The following TMEM132D variants were observed in gnomAD, a reference collection of about 807,000 sequenced individuals.
TMEM132D encodes the protein transmembrane protein 132D.
In TMEM132D, 21 loss-of-function variants were observed where a neutral mutation model predicts 62.3. The ratio of observed to expected loss-of-function variants is 0.34; its 90% CI spans 0.24 to 0.49. TMEM132D has a LOEUF of 0.49. Among genes scored for constraint, TMEM132D ranks in the 20% least tolerant of loss-of-function variants. The pLI is 0.99. For missense variants in TMEM132D, 1,346 were observed against 1,402.8 expected (o/e 0.96, Z 0.65); for synonymous variants, 621 against 575.6 (o/e 1.08, Z -1.13).
chr12:129,641,154 C>T (rs1047808863), intron 2 of TMEM132D, among the ~76,000 whole-genome samples: 1 of 152,136 alleles, frequency 6.6e-6, no homozygotes, highest in African/African-American at 2.4e-5. Context: ...TGCCCCGGTC[C>T]ATGGAAAAAT....
At chr12:129,797,150 C>G (rs967407432) in intron 1 of TMEM132D, among the ~76,000 whole-genome samples, 6 of 152,200 alleles carry the variant, frequency 3.9e-5, no homozygotes, top group Non-Finnish European at 5.9e-5. Context: ...AATTTCCCCA[C>G]AGCCCAGGCA....
rs550334802 is a variant in TMEM132D, at chr12:129,723,187, G to A, written c.80-22489C>T. 2.6e-5 allele frequency among the ~76,000 whole-genome samples: 4 copies of A among 152,334 alleles called. No homozygotes were observed. In the East Asian group the frequency reaches 7.7e-4, roughly 29 times the overall value. ...TCACTCTGTTTAAGTCTAGGAGAAC[G>A]TTACAGTTTCGTGCTAATATGTTTT... is the stretch of plus-strand genomic sequence containing the variant. On this transcript the variant is annotated intron_variant, in intron 1 of 8. Coordinates refer to ENST00000422113, the MANE Select transcript of TMEM132D (RefSeq NM_133448.3).
At chr12:129,805,065 T>C (rs1458227408) in intron 1 of TMEM132D, among the ~76,000 whole-genome samples, 1 of 148,654 alleles carries the variant, frequency 6.7e-6, no homozygotes, top group Non-Finnish European at 1.5e-5. Context: ...TGGAAGAACA[T>C]TCCATGCTCA....
chr12:129,338,759 A>C (rs2135659283), intron 3 of TMEM132D, among the ~76,000 whole-genome samples: 1 of 152,328 alleles, frequency 6.6e-6, no homozygotes, highest in Middle Eastern at 3.4e-3. Context: ...CTGAACTCTG[A>C]CATGTAGGAG....
chr12:129,187,829 T>C (rs1165225726), intron 5 of TMEM132D, among the ~76,000 whole-genome samples: 1 of 152,248 alleles, frequency 6.6e-6, no homozygotes, highest in Non-Finnish European at 1.5e-5. Context: ...TTCTCCACTC[T>C]TACGAAGTCG....
intron 3 of TMEM132D, among the ~76,000 whole-genome samples, chr12:129,486,649 G>A (rs1229503388): frequency 6.6e-6 from 1 of 152,216 alleles, no homozygotes; most frequent in Non-Finnish European, 1.5e-5. Context: ...TACCACGGAT[G>A]TGAGGATTGT....
At chr12:129,765,983 C>T (rs1390852924) in intron 1 of TMEM132D, among the ~76,000 whole-genome samples, 5 of 152,130 alleles carry the variant, frequency 3.3e-5, no homozygotes, top group African/African-American at 1.2e-4. Context: ...TTCCTGATTT[C>T]CTTGTGGATG....
intron 5 of TMEM132D, among the ~76,000 whole-genome samples, chr12:129,094,383 ACACTTCT>A (rs1875030076): frequency 6.6e-6 from 1 of 152,240 alleles, no homozygotes; most frequent in Non-Finnish European, 1.5e-5. Flanking sequence ...ATATGAACAG[ACACTTCT>A]CAGAAGAAAA....
At chr12:129,422,903 C>CATACATATATGT (rs1872372823) in intron 3 of TMEM132D, among the ~76,000 whole-genome samples, 1 of 151,104 alleles carries the variant, frequency 6.6e-6, no homozygotes, top group Admixed American at 6.6e-5. Context: ...TATACATATA[C>CATACATATATGT]GTATTATGTA....
intron 3 of TMEM132D, among the ~76,000 whole-genome samples, chr12:129,359,217 A>G (rs911043853): frequency 1.3e-5 from 2 of 152,188 alleles, no homozygotes; most frequent in African/African-American, 4.8e-5. Flanking sequence ...AACATCAACA[A>G]TAGGCCAATC....
chr12:129,379,919 G>A (rs996166866), intron 3 of TMEM132D, among the ~76,000 whole-genome samples: 5 of 152,194 alleles, frequency 3.3e-5, no homozygotes, highest in South Asian at 2.1e-4. Context: ...TATACTCAAC[G>A]TGGAGAGGTT....
intron 3 of TMEM132D, among the ~76,000 whole-genome samples, chr12:129,461,762 C>T (rs112511059): frequency 2.0e-4 from 31 of 151,728 alleles, no homozygotes; most frequent in South Asian, 4.2e-4. Context: ...GATGGATGGA[C>T]GGGCGGACTG....
chr12:129,470,170 T>A (rs1412043103), intron 3 of TMEM132D, among the ~76,000 whole-genome samples: 1 of 152,178 alleles, frequency 6.6e-6, no homozygotes, highest in Non-Finnish European at 1.5e-5. Context: ...AAATTTGTGG[T>A]GTGGACTATA....
intron 3 of TMEM132D, among the ~76,000 whole-genome samples, chr12:129,473,441 C>T (rs572480857): frequency 1.2e-3 from 169 of 144,128 alleles, no homozygotes; most frequent in African/African-American, 3.9e-3. Flanking sequence ...GTGATCCTCT[C>T]GCCTCAGCCT....
chr12:129,787,309 A>T (rs1871272693), intron 1 of TMEM132D, among the ~76,000 whole-genome samples: 2 of 152,164 alleles, frequency 1.3e-5, no homozygotes, highest in African/African-American at 4.8e-5. Context: ...GAGAGAAGGA[A>T]AAAGAATGTT....
At chr12:129,117,579 G>GGA (rs57865671) in intron 5 of TMEM132D, among the ~76,000 whole-genome samples, 1 of 1,256 alleles carries the variant, frequency 8.0e-4, no homozygotes, top group South Asian at 0.12. Flanking sequence ...ATGACCTTAA[G>GGA]AAATGGCCCA....
intron 4 of TMEM132D, among the ~76,000 whole-genome samples, chr12:129,330,616 C>A (rs772955225): frequency 1.8e-4 from 28 of 152,128 alleles, no homozygotes; most frequent in Non-Finnish European, 1.8e-4. Context: ...GGCAGAGAGA[C>A]CTGAGACAGC....
chr12:129,188,320 C>T (rs1878276480), intron 5 of TMEM132D, among the ~76,000 whole-genome samples: 6 of 152,212 alleles, frequency 3.9e-5, no homozygotes, highest in Admixed American at 3.3e-4. Flanking sequence ...GACACCTAGC[C>T]TGCCAAAGCC....
intron 2 of TMEM132D, among the ~76,000 whole-genome samples, chr12:129,576,132 G>A (rs1877651813): frequency 6.6e-6 from 1 of 151,854 alleles, no homozygotes; most frequent in African/African-American, 2.4e-5. Flanking sequence ...AGCCAATTTC[G>A]GCCCATGCGT....
Sources: allele counts gnomAD v4.1 joint callset (sites outside exome capture counted in the v4.1 genomes callset), GRCh38; gene constraint gnomAD v4.1.1; transcripts MANE v1.5; gene names NCBI Gene and HGNC (gene_info 2026-07-23, HGNC 2026-07-21).